BMERB1: variants seen among roughly 807,000 people sequenced by gnomAD.
BMERB1 encodes bMERB domain-containing protein 1.
Under a neutral mutation model 23.6 loss-of-function variants are expected in BMERB1, and 12 were observed. That is an observed-to-expected ratio of 0.51 (90% CI 0.33 to 0.82). BMERB1 has a LOEUF of 0.82. Among genes scored for constraint, BMERB1 ranks in the 40% least tolerant of loss-of-function variants. The probability of loss-of-function intolerance (pLI) is 0.03; values close to 1 mark genes in which losing one functional copy is unlikely to be tolerated. For missense variants in BMERB1, 247 were observed against 255.4 expected, an observed-to-expected ratio of 0.97 and a Z score of 0.22; for synonymous variants, 122 against 96.6, an observed-to-expected ratio of 1.26 and a Z score of -1.54.
intron 2 of BMERB1, among the ~76,000 whole-genome samples, chr16:15,559,723 T>G (rs1455275541): frequency 6.6e-6 from 1 of 152,154 alleles, no homozygotes; most frequent in Non-Finnish European, 1.5e-5. Context: ...ATGGACAGCT[T>G]GGGGTCGGGG....
chr16:15,478,785 T>C (rs1416326936), intron 1 of BMERB1, among the ~76,000 whole-genome samples: 1 of 152,206 alleles, frequency 6.6e-6, no homozygotes, highest in Non-Finnish European at 1.5e-5. Context: ...TAAACAAACA[T>C]GCACCAGTTT....
At chr16:15,525,602 A>G (rs1598495589) in intron 2 of BMERB1, among the ~76,000 whole-genome samples, 5 of 151,900 alleles carry the variant, frequency 3.3e-5, no homozygotes, top group Admixed American at 3.3e-4. Context: ...CTACTCGGAA[A>G]GTCGAGGCAG....
intron 1 of BMERB1, among the ~76,000 whole-genome samples, chr16:15,461,354 G>C (rs902584319): frequency 2.0e-5 from 3 of 151,996 alleles, no homozygotes; most frequent in Non-Finnish European, 4.4e-5. Context: ...AAAGCAATTC[G>C]TTATCAATAA....
intron 1 of BMERB1, among the ~76,000 whole-genome samples, chr16:15,507,527 T>G (rs1181881965): frequency 6.6e-6 from 1 of 152,136 alleles, no homozygotes; most frequent in African/African-American, 2.4e-5. Flanking sequence ...CTTTGCTGTC[T>G]CCACACAGCA....
chr16:15,586,579 C>T (rs2031148986), intron 5 of BMERB1, 138 bp from the exon 6 acceptor site: 1 of 710,926 alleles, frequency 1.4e-6, no homozygotes, highest in Non-Finnish European at 2.6e-6. Flanking sequence ...CTCTCCATAC[C>T]ACCTGAACAA....
In BMERB1 at chr16:15,573,378, T is replaced by G. The variant is rs118053169; in HGVS notation, c.304+5322T>G. 1.4e-4 allele frequency among the ~76,000 whole-genome samples: 22 copies of G among 152,228 alleles called. No homozygotes were observed. In the East Asian group the frequency reaches 4.3e-3, roughly 29 times the overall value. ...GACTGGAGTTTTATTATTCCTCAAATCAGTGCCCCTGAGCATTCCAGGATC... is the reference window on the plus strand; with the variant it reads ...GACTGGAGTTTTATTATTCCTCAAAGCAGTGCCCCTGAGCATTCCAGGATC... On this transcript the variant is annotated intron_variant, in intron 3 of 5. Transcript: ENST00000300006.
intron 1 of BMERB1, among the ~76,000 whole-genome samples, chr16:15,491,166 G>T (rs181451758): frequency 6.6e-6 from 1 of 151,984 alleles, no homozygotes; most frequent in Non-Finnish European, 1.5e-5. Context: ...TGCATTTACT[G>T]ATAGCACTTA....
intron 4 of BMERB1, 82 bp from the exon 5 acceptor site, chr16:15,583,074 C>A: frequency 9.5e-7 from 1 of 1,051,396 alleles, no homozygotes; most frequent in Non-Finnish European, 1.5e-6. Context: ...GTTGCTTAAC[C>A]TATTGGTTTA....
intron 3 of BMERB1, among the ~76,000 whole-genome samples, chr16:15,575,008 GA>G (rs764399272): frequency 6.6e-5 from 10 of 152,176 alleles, no homozygotes; most frequent in Non-Finnish European, 1.0e-4. Flanking sequence ...GAACTCGGGA[GA>G]GGGGGGTTGC....
At chr16:15,487,213 T>G (rs2051376111) in intron 1 of BMERB1, among the ~76,000 whole-genome samples, 1 of 152,220 alleles carries the variant, frequency 6.6e-6, no homozygotes, top group African/African-American at 2.4e-5. Flanking sequence ...CCTTAAAAGC[T>G]TTAGTAAGGG....
intron 1 of BMERB1, among the ~76,000 whole-genome samples, chr16:15,472,212 G>GA (rs1384741347): frequency 6.6e-6 from 1 of 152,020 alleles, no homozygotes; most frequent in Non-Finnish European, 1.5e-5. Flanking sequence ...TGAACACTTG[G>GA]AAAAAAATAT....
At chr16:15,475,512 C>A (rs187306615) in intron 1 of BMERB1, among the ~76,000 whole-genome samples, 16 of 152,230 alleles carry the variant, frequency 1.1e-4, no homozygotes, top group African/African-American at 3.4e-4. Context: ...GCCTGGAGGG[C>A]AGAATACAGG....
rs530805660 is a variant in BMERB1 at position 15,511,965 on chromosome 16, A to G, written c.107-3340A>G. Among the ~76,000 whole-genome samples, 4 of 125,924 alleles carry G rather than the reference A, an allele frequency of 3.2e-5. No individual in the cohort carries two copies. The South Asian group carries it at 1.1e-3, about 35-fold the overall frequency. The allele number at this position is 125,924 out of a possible 152,430, so 82.6% of individuals were successfully genotyped here. ...GAGGCAGAGGTTGCAATGAGCAGAG[A>G]TTGCATCACCACGCTCCAGCCTGGG... On this transcript the variant is annotated intron_variant, in intron 1 of 5. Transcript: ENST00000300006.
intron 2 of BMERB1, among the ~76,000 whole-genome samples, chr16:15,517,937 ATG>A (rs1199890807): frequency 7.7e-5 from 10 of 130,364 alleles, no homozygotes; most frequent in South Asian, 7.4e-4. Context: ...GTGTGTGTGC[ATG>A]TGTGGGTGTG....
intron 1 of BMERB1, among the ~76,000 whole-genome samples, chr16:15,447,368 G>T (rs571868085): frequency 6.6e-6 from 1 of 152,110 alleles, no homozygotes; most frequent in African/African-American, 2.4e-5. Flanking sequence ...ACCAGATCTC[G>T]TGAGAACTCA....
At chr16:15,465,743 G>T (rs1335507279) in intron 1 of BMERB1, among the ~76,000 whole-genome samples, 4 of 152,110 alleles carry the variant, frequency 2.6e-5, no homozygotes, top group Admixed American at 2.6e-4. Context: ...TTTCTTTCCA[G>T]AAATGACCCT....
At chr16:15,574,915 C>A (rs1277650210) in intron 3 of BMERB1, among the ~76,000 whole-genome samples, 1 of 152,174 alleles carries the variant, frequency 6.6e-6, no homozygotes, top group East Asian at 1.9e-4. Context: ...CCCGTCTCTA[C>A]TAAAATTACA....
intron 1 of BMERB1, among the ~76,000 whole-genome samples, chr16:15,462,480 T>C (rs1232375086): frequency 6.6e-6 from 1 of 152,078 alleles, no homozygotes; most frequent in Admixed American, 6.6e-5. Context: ...CCTGGCAGCC[T>C]TAAGTCCAAG....
intron 1 of BMERB1, among the ~76,000 whole-genome samples, chr16:15,483,346 A>G (rs1463829265): frequency 6.6e-6 from 1 of 152,174 alleles, no homozygotes; most frequent in African/African-American, 2.4e-5. Flanking sequence ...AGGCACTTGA[A>G]CGGAGTGGTT....
Sources: allele counts gnomAD v4.1 joint callset (sites outside exome capture counted in the v4.1 genomes callset), GRCh38; gene constraint gnomAD v4.1.1; transcripts MANE v1.5; gene names NCBI Gene and HGNC (gene_info 2026-07-23, HGNC 2026-07-21).